TSHZ2: variants seen among roughly 807,000 people sequenced by gnomAD.
TSHZ2 encodes teashirt homolog 2.
A neutral mutation model predicts 74.4 loss-of-function variants in TSHZ2; 21 were observed. That is an observed-to-expected ratio of 0.28 (90% CI 0.20 to 0.41). The LOEUF (loss-of-function observed/expected upper bound fraction) is 0.41. Among genes scored for constraint, TSHZ2 ranks in the 10% least tolerant of loss-of-function variants. TSHZ2 has a pLI of 1.00. For missense variants in TSHZ2, 1,244 were observed against 1,293.5 expected (o/e 0.96, Z 0.59); for synonymous variants, 540 against 515.3 (o/e 1.05, Z -0.65).
chr20:53,348,551 A>AT (rs527889809), intron 2 of TSHZ2, among the ~76,000 whole-genome samples: 1 of 151,612 alleles, frequency 6.6e-6, no homozygotes, highest in African/African-American at 2.4e-5. Flanking sequence ...AAAAAAATAG[A>AT]CCCCCCCAAA....
chr20:53,294,888 C>T (rs1340826141), intron 2 of TSHZ2, among the ~76,000 whole-genome samples: 1 of 152,172 alleles, frequency 6.6e-6, no homozygotes, highest in Non-Finnish European at 1.5e-5. Flanking sequence ...CAGCATAAAG[C>T]CTGCTTCCAA....
At chr20:53,013,803 G>A (rs971911884) in intron 1 of TSHZ2, among the ~76,000 whole-genome samples, 1 of 152,148 alleles carries the variant, frequency 6.6e-6, no homozygotes, top group South Asian at 2.1e-4. Context: ...TGCCTATGTG[G>A]TTTTAAAAAA....
chr20:53,019,434 G>C (rs1983155344), intron 1 of TSHZ2, among the ~76,000 whole-genome samples: 1 of 152,122 alleles, frequency 6.6e-6, no homozygotes, highest in South Asian at 2.1e-4. Context: ...CTGGGACAAG[G>C]CTCAAACTTC....
intron 2 of TSHZ2, among the ~76,000 whole-genome samples, chr20:53,273,688 C>T (rs977095526): frequency 5.9e-5 from 9 of 152,186 alleles, no homozygotes; most frequent in Middle Eastern, 6.8e-3. Context: ...GTTGGGAGAC[C>T]GGGAACAGAT....
In TSHZ2 at chr20:53,133,969, GA is replaced by G. The variant is rs3070080; in HGVS notation, c.41-119515del. Among the ~76,000 whole-genome samples the G allele has an allele frequency of 2.6e-3, 335 of 127,850 alleles. 3 individuals are homozygous for G. The highest frequency in any genetic ancestry group is 8.5e-3 in the Middle Eastern group (2 of 236). 83.9% of individuals were successfully genotyped at this position (127,850 alleles called of 152,430 possible). The stretch of plus-strand genomic sequence containing the variant: ...TGATAGATTTTTTACCATTTTTTCT[GA>G]AAAAAAAAAAAAAATAGGCCACGTT... On this transcript the variant is annotated intron_variant, in intron 1 of 2. Transcript: ENST00000371497.
At chr20:53,362,333 C>T (rs1214724769) in intron 2 of TSHZ2, among the ~76,000 whole-genome samples, 3 of 151,964 alleles carry the variant, frequency 2.0e-5, no homozygotes, top group Non-Finnish European at 4.4e-5. Flanking sequence ...TACAGACGCC[C>T]GCCACCACGC....
chr20:53,156,019 T>C (rs1987785977), intron 1 of TSHZ2, among the ~76,000 whole-genome samples: 1 of 152,200 alleles, frequency 6.6e-6, no homozygotes, highest in South Asian at 2.1e-4. Flanking sequence ...GTTAGAAACC[T>C]GACCCCAAGA....
At chr20:53,303,028 C>G (rs1978374505) in intron 2 of TSHZ2, among the ~76,000 whole-genome samples, 1 of 152,210 alleles carries the variant, frequency 6.6e-6, no homozygotes, top group South Asian at 2.1e-4. Flanking sequence ...GGCCATATCT[C>G]CTTCCAACCA....
chr20:53,036,195 G>A (rs528846086), intron 1 of TSHZ2, among the ~76,000 whole-genome samples: 8 of 152,250 alleles, frequency 5.3e-5, no homozygotes, highest in South Asian at 4.1e-4. Context: ...AGGATTTCAC[G>A]TGAGGCTTGG....
intron 1 of TSHZ2, among the ~76,000 whole-genome samples, chr20:53,076,544 C>G (rs1206499184): frequency 6.6e-6 from 1 of 152,166 alleles, no homozygotes; most frequent in Non-Finnish European, 1.5e-5. Context: ...AGATTCCATA[C>G]AAGCGATGCG....
At chr20:53,403,810 G>T (rs192832411) in intron 2 of TSHZ2, among the ~76,000 whole-genome samples, 2 of 152,146 alleles carry the variant, frequency 1.3e-5, no homozygotes, top group Non-Finnish European at 2.9e-5. Context: ...TCTGCGGCTC[G>T]TAGGCTCTGG....
chr20:53,418,925 C>T (rs566747699), intron 2 of TSHZ2, among the ~76,000 whole-genome samples: 22 of 152,294 alleles, frequency 1.4e-4, no homozygotes, highest in Non-Finnish European at 2.6e-4. Flanking sequence ...ACTAACTCCT[C>T]TAAAGCCAAA....
chr20:53,411,822 C>A (rs1311437156), intron 2 of TSHZ2, among the ~76,000 whole-genome samples: 1 of 151,956 alleles, frequency 6.6e-6, no homozygotes, highest in Non-Finnish European at 1.5e-5. Context: ...GAGCAAGACC[C>A]TGCCTCAAAA....
At chr20:53,090,603 T>A (rs1985854790) in intron 1 of TSHZ2, among the ~76,000 whole-genome samples, 2 of 152,164 alleles carry the variant, frequency 1.3e-5, no homozygotes, top group African/African-American at 4.8e-5. Flanking sequence ...GGTGCACCAT[T>A]TCCCCGTCTG....
At chr20:53,159,653 A>C (rs1438747283) in intron 1 of TSHZ2, among the ~76,000 whole-genome samples, 1 of 94,424 alleles carries the variant, frequency 1.1e-5, no homozygotes, top group Non-Finnish European at 2.5e-5. Flanking sequence ...AACAGGAGTT[A>C]AAAAAAAAAA....
intron 2 of TSHZ2, among the ~76,000 whole-genome samples, chr20:53,429,552 C>A (rs1323095662): frequency 6.6e-6 from 1 of 152,188 alleles, no homozygotes; most frequent in Non-Finnish European, 1.5e-5. Flanking sequence ...ATGCCTTTCA[C>A]CTTTTGCCAT....
chr20:53,321,866 CAAGAG>C (rs977114640), intron 2 of TSHZ2, among the ~76,000 whole-genome samples: 1 of 151,924 alleles, frequency 6.6e-6, no homozygotes. Flanking sequence ...CATGTGGTCT[CAAGAG>C]AAGGCACAAG....
At chr20:53,226,891 C>G (rs1989699123) in intron 1 of TSHZ2, among the ~76,000 whole-genome samples, 1 of 152,088 alleles carries the variant, frequency 6.6e-6, no homozygotes, top group Non-Finnish European at 1.5e-5. Context: ...TCTGAAAAGT[C>G]CTCCTTATGT....
At chr20:53,119,709 C>T (rs1317030144) in intron 1 of TSHZ2, among the ~76,000 whole-genome samples, 4 of 152,140 alleles carry the variant, frequency 2.6e-5, no homozygotes, top group Non-Finnish European at 5.9e-5. Flanking sequence ...AAATAAACTG[C>T]ATTTTTAAAA....
Sources: gnomAD v4.1 joint callset for allele counts (sites outside exome capture counted in the v4.1 genomes callset) on GRCh38, gnomAD v4.1.1 for gene constraint, MANE v1.5 for transcripts, NCBI Gene and HGNC (gene_info 2026-07-23, HGNC 2026-07-21) for gene names.